Variants in AP3B1 observed in about 807,000 individuals in gnomAD.
AP3B1 encodes AP-3 complex subunit beta-1.
A neutral mutation model predicts 132.5 loss-of-function variants in AP3B1; 61 were observed. The ratio of observed to expected loss-of-function variants is 0.46; its 90% confidence interval spans 0.37 to 0.57. The LOEUF (loss-of-function observed/expected upper bound fraction) is 0.57, where lower values mean the gene tolerates loss of function less well. Among genes scored for constraint, AP3B1 ranks in the 20% least tolerant of loss-of-function variants. AP3B1 has a pLI of 0.00. For synonymous variants in AP3B1, 388 were observed against 438.3 expected, an observed-to-expected ratio of 0.89 and a Z score of 1.43; for missense variants, 1,120 against 1,289.4, an observed-to-expected ratio of 0.87 and a Z score of 2.01.
chr5:78,191,192 C>T (rs959868389), intron 7 of AP3B1, among the ~76,000 whole-genome samples: 3 of 151,658 alleles, frequency 2.0e-5, no homozygotes, highest in African/African-American at 7.3e-5. Flanking sequence ...TTAGAACAAC[C>T]GCCTGTCAGT....
At chr5:78,234,664 G>C (rs1042565646) in intron 3 of AP3B1, among the ~76,000 whole-genome samples, 2 of 152,176 alleles carry the variant, frequency 1.3e-5, no homozygotes, top group Non-Finnish European at 2.9e-5. Context: ...AAGTGAACTT[G>C]AGGCTATTTA....
intron 2 of AP3B1, among the ~76,000 whole-genome samples, chr5:78,258,161 G>A (rs866028620): frequency 6.6e-6 from 1 of 152,020 alleles, no homozygotes; most frequent in African/African-American, 2.4e-5. Context: ...CAGACAAATC[G>A]GATCACATCA....
chr5:78,024,230 AATACAT>A (rs1333648475), intron 24 of AP3B1, among the ~76,000 whole-genome samples: 1 of 152,152 alleles, frequency 6.6e-6, no homozygotes, highest in Non-Finnish European at 1.5e-5. Flanking sequence ...ACATACATGG[AATACAT>A]ATATATAAAT....
intron 22 of AP3B1, chr5:78,043,946 C>T (rs945533808): frequency 9.3e-6 from 3 of 321,076 alleles, no homozygotes; most frequent in African/African-American, 2.2e-5. Context: ...TTACCATTGT[C>T]CAACTTGGAA....
intron 21 of AP3B1, among the ~76,000 whole-genome samples, chr5:78,092,032 T>G (rs412219): frequency 0.24 from 36,563 of 152,170 alleles, 4,606 homozygotes; most frequent in Admixed American, 0.31. Context: ...AACTGCTTCT[T>G]CTAACTTGGA....
intron 14 of AP3B1, among the ~76,000 whole-genome samples, chr5:78,147,638 T>A (rs1279769446): frequency 6.6e-6 from 1 of 152,314 alleles, no homozygotes; most frequent in African/African-American, 2.4e-5. Context: ...TTGTATCTAT[T>A]AATGGTTATC....
At chr5:78,057,520 A>T (rs113469737) in intron 22 of AP3B1, among the ~76,000 whole-genome samples, 30 of 152,290 alleles carry the variant, frequency 2.0e-4, no homozygotes, top group African/African-American at 7.0e-4. Flanking sequence ...TCATTTTAAG[A>T]ACAGGATTTC....
intron 22 of AP3B1, among the ~76,000 whole-genome samples, chr5:78,047,396 A>T (rs934788650): frequency 2.0e-5 from 3 of 152,156 alleles, no homozygotes; most frequent in Non-Finnish European, 2.9e-5. Context: ...TCCCCATTCT[A>T]ACTGGTGTGA....
At chr5:78,246,899 G>A (rs983609690) in intron 2 of AP3B1, among the ~76,000 whole-genome samples, 2 of 151,924 alleles carry the variant, frequency 1.3e-5, no homozygotes, top group African/African-American at 4.8e-5. Context: ...GCTATGTTAA[G>A]GTAGCTGCTC....
intron 22 of AP3B1, among the ~76,000 whole-genome samples, chr5:78,054,549 T>C (rs1275069926): frequency 6.6e-6 from 1 of 152,198 alleles, no homozygotes; most frequent in Non-Finnish European, 1.5e-5. Flanking sequence ...GGGGCCATGC[T>C]GAACAGATTT....
intron 23 of AP3B1, among the ~76,000 whole-genome samples, chr5:78,038,346 G>C (rs562819378): frequency 6.6e-6 from 1 of 152,300 alleles, no homozygotes; most frequent in Admixed American, 6.5e-5. Flanking sequence ...AAGCAGACTA[G>C]TCTACATCGG....
chr5:78,026,269 A>G (rs924911560), intron 24 of AP3B1, among the ~76,000 whole-genome samples: 1 of 152,216 alleles, frequency 6.6e-6, no homozygotes, highest in Admixed American at 6.5e-5. Context: ...GCTACATAGG[A>G]CCAGATGGCA....
At chr5:78,012,733 C>T (rs1746669870) in intron 26 of AP3B1, among the ~76,000 whole-genome samples, 1 of 152,224 alleles carries the variant, frequency 6.6e-6, no homozygotes, top group African/African-American at 2.4e-5. Flanking sequence ...AGCCTCAAGA[C>T]ACTGTGGATG....
intron 1 of AP3B1, among the ~76,000 whole-genome samples, chr5:78,293,138 C>T (rs1749606803): frequency 2.0e-5 from 3 of 152,228 alleles, no homozygotes; most frequent in Admixed American, 6.5e-5. Context: ...CTCACCCTCC[C>T]AAAGTGCTGG....
chr5:78,119,417 A>G (rs1419360455), intron 17 of AP3B1, among the ~76,000 whole-genome samples: 1 of 152,156 alleles, frequency 6.6e-6, no homozygotes, highest in East Asian at 1.9e-4. Context: ...ATACAAACCA[A>G]TGGCAAATAA....
intron 11 of AP3B1, among the ~76,000 whole-genome samples, chr5:78,171,676 A>G (rs529855373): frequency 2.8e-4 from 43 of 152,310 alleles, no homozygotes; most frequent in Middle Eastern, 3.4e-3. Context: ...CAATCATGTC[A>G]TCTGCAAACA....
intron 24 of AP3B1, among the ~76,000 whole-genome samples, chr5:78,023,220 T>C (rs1392054698): frequency 2.0e-5 from 3 of 152,184 alleles, no homozygotes; most frequent in Non-Finnish European, 4.4e-5. Context: ...ACATTATATT[T>C]TGAGTACTGA....
intron 7 of AP3B1, among the ~76,000 whole-genome samples, chr5:78,199,218 G>A (rs1192722300): frequency 6.6e-6 from 1 of 152,206 alleles, no homozygotes; most frequent in Non-Finnish European, 1.5e-5. Flanking sequence ...TTCAGCTCTA[G>A]TATGTAAGAA....
chr5:78,117,703 T>A (rs1320290040), intron 17 of AP3B1, among the ~76,000 whole-genome samples: 1 of 152,194 alleles, frequency 6.6e-6, no homozygotes, highest in Non-Finnish European at 1.5e-5. Flanking sequence ...AGAAACATGC[T>A]TAAGAAAAAT....
Sources: gnomAD v4.1 joint callset for allele counts (sites outside exome capture counted in the v4.1 genomes callset) on GRCh38, gnomAD v4.1.1 for gene constraint, MANE v1.5 for transcripts, NCBI Gene and HGNC (gene_info 2026-07-23, HGNC 2026-07-21) for gene names.